The following ACIN1 variants were observed in gnomAD, a reference collection of about 807,000 sequenced individuals.
ACIN1 encodes the protein apoptotic chromatin condensation inducer 1.
A neutral mutation model predicts 146.6 loss-of-function variants in ACIN1; 16 were observed. That is an observed-to-expected ratio of 0.11 (90% CI 0.07 to 0.17). ACIN1 has a LOEUF of 0.17. Among genes scored for constraint, ACIN1 ranks in the 10% least tolerant of loss-of-function variants. ACIN1 has a pLI of 1.00. For synonymous variants in ACIN1, 569 were observed against 582.7 expected, an observed-to-expected ratio of 0.98 and a Z score of 0.34; for missense variants, 1,357 against 1,609.3, an observed-to-expected ratio of 0.84 and a Z score of 2.68.
chr14:23,083,914 G>C (rs750561812), intron 4 of ACIN1, among the ~76,000 whole-genome samples: 8 of 152,016 alleles, frequency 5.3e-5, no homozygotes, highest in Non-Finnish European at 1.2e-4. Context: ...AAATAAAGCA[G>C]ATGGTATGCA....
Position 23,079,944 on chromosome 14 carries a change from G to T in ACIN1, c.1391C>A (p.Ser464Ter). 1 of 1,614,122 alleles carries T rather than the reference G, an allele frequency of 6.2e-7. No homozygotes were observed. The highest frequency in any genetic ancestry group is 1.1e-5 in the South Asian group (1 of 91,060). ...YSAQKDLEPE[S>*]DRSAQPLPLK... ...AGGGAGGGGCTGAGCAGATCTGTCT[G>T]ACTCAGGTTCAAGATCCTTCTGGGC... Residue 464 changes from serine to a stop codon, truncating the protein, a stop_gained, in exon 6 of 19, where the codon TCA (serine) becomes TAA (stop). Coordinates refer to ENST00000605057, the MANE Select transcript of ACIN1 (RefSeq NM_001386863.1). LOFTEE classifies it high-confidence loss of function.
chr14:23,063,456 G>C lies in ACIN1; in HGVS notation c.2717C>G (p.Ala906Gly). The part of the protein sequence containing the change: ...VSVEVALPPP[A>G]EHEVKKVTLG... Reference sequence around the variant, plus strand: ...CTCACCTTTCTTTACTTCATGCTCTGCAGGTGGGGGCAAGGCCACCTCTAC... The same window carrying C: ...CTCACCTTTCTTTACTTCATGCTCTCCAGGTGGGGGCAAGGCCACCTCTAC... Residue 906 changes from alanine to glycine, a missense_variant, in exon 13 of 19, where the codon GCA (alanine) becomes GGA (glycine). Physicochemically the swap from Ala to Gly is moderately conservative, Grantham distance 60. Coordinates refer to ENST00000605057, the MANE Select transcript of ACIN1 (RefSeq NM_001386863.1). 2 of 1,614,146 alleles carry C rather than the reference G, an allele frequency of 1.2e-6. No homozygotes were observed. Among genetic ancestry groups the C allele is most frequent in the Non-Finnish European group, 8.5e-7 (1 of 1,180,032 alleles).
In ACIN1 at chr14:23,061,345, C is replaced by T. The variant is rs1212975615; in HGVS notation, c.3377G>A (p.Arg1126His). 8 of 1,614,102 alleles carry T rather than the reference C, an allele frequency of 5.0e-6. No individual in the cohort carries two copies. Among genetic ancestry groups the T allele is most frequent in the Admixed American group, 1.7e-5 (1 of 60,022 alleles). Reference sequence around the variant, plus strand: ...TTTAGACTTCGCACGTTCCTTGCGGCGGCGGTCACGGGACCTTGATCGGGA... The same window carrying T: ...TTTAGACTTCGCACGTTCCTTGCGGTGGCGGTCACGGGACCTTGATCGGGA... ...PRSRSRSRDR[R>H]RKERAKSKEK... The change falls in exon 17 of 19, where the codon CGC (arginine) becomes CAC (histidine). Residue 1126 changes from arginine to histidine, a missense_variant. By Grantham distance (29) the Arg-to-His change is conservative (BLOSUM62 0). This residue lies in a region of ACIN1 where 509 missense variants were observed against 719.6 expected (regional missense o/e 0.71). Coordinates refer to ENST00000605057, the MANE Select transcript of ACIN1 (RefSeq NM_001386863.1).
At chr14:23,090,291 A>G (rs544369188) in intron 3 of ACIN1, among the ~76,000 whole-genome samples, 190 bp from the exon 4 acceptor site, 1 of 152,372 alleles carries the variant, frequency 6.6e-6, no homozygotes, top group Admixed American at 6.5e-5. Flanking sequence ...TAATTTACTT[A>G]TAACTCTTCC....
At chr14:23,084,802 A>C (rs2048046377) in intron 4 of ACIN1, among the ~76,000 whole-genome samples, 1 of 152,210 alleles carries the variant, frequency 6.6e-6, no homozygotes. Flanking sequence ...ATTAGAATAT[A>C]TAGTGAAAGG....
upstream of ACIN1, chr14:23,095,517 G>A (rs538725238): frequency 1.9e-4 from 105 of 562,608 alleles, 1 homozygote; most frequent in Middle Eastern, 9.6e-4. Context: ...GGGCTGCCGG[G>A]CTGGCCCAGC....
Position 23,068,370 on chromosome 14 carries a change from G to A in ACIN1, c.2265+1106C>T, listed in dbSNP as rs2047522240. 1 of 985,854 alleles carries A rather than the reference G, an allele frequency of 1.0e-6. No individual in the cohort carries two copies. The highest frequency in any genetic ancestry group is 1.7e-5 in the African/African-American group (1 of 57,258). The allele number at this position is 985,854 out of a possible 1,614,324, so 61.1% of individuals were successfully genotyped here. A position where few individuals can be genotyped will look rare whatever the true frequency, so the allele number is the denominator to read the frequency against. Reference sequence around the variant, plus strand: ...CACTGGCACAAGCTCTTCTTGGGGTGTCCCAAGTAGGGAGATGATGCAAGT... The same window carrying A: ...CACTGGCACAAGCTCTTCTTGGGGTATCCCAAGTAGGGAGATGATGCAAGT... On this transcript the variant is annotated intron_variant, in intron 9 of 18. Transcript: ENST00000605057. This position sits in a 1 kb window ranked among gnomAD's most constrained non-coding sequence, Gnocchi z 4.3.
Position 23,079,903 on chromosome 14 carries a change from A to C in ACIN1, c.1432T>G (p.Leu478Val). 6.2e-7 allele frequency: 1 copy of C among 1,614,138 alleles called. No individual in the cohort carries two copies. The highest frequency in any genetic ancestry group is 1.3e-5 in the African/African-American group (1 of 75,022). Residue 478 changes from leucine to valine, a missense_variant, in exon 6 of 19, where the codon TTA (leucine) becomes GTA (valine). Physicochemically the swap from Leu to Val is conservative, Grantham distance 32 (BLOSUM62 1). This residue lies in a region of ACIN1 where 771 missense variants were observed against 746.6 expected (regional missense o/e 1.03). Coordinates refer to ENST00000605057, the MANE Select transcript of ACIN1 (RefSeq NM_001386863.1). The part of the protein sequence containing the change: ...AQPLPLKIEE[L>V]ALAKGITEEC... ...TCAGTGATTCCTTTGGCCAGTGCTA[A>C]TTCCTCAATTTTTAGAGGGAGGGGC...
rs1219040385 is a variant in ACIN1 at position 23,079,548 on chromosome 14, T to C, written c.1787A>G (p.Lys596Arg). 2 of 1,611,780 alleles carry C rather than the reference T, an allele frequency of 1.2e-6. No individual in the cohort carries two copies. Among genetic ancestry groups the C allele is most frequent in the Admixed American group, 3.3e-5 (2 of 59,862 alleles). Residue 596 changes from lysine (K) to arginine (R), a missense_variant and splice_region_variant, in exon 6 of 19, where the codon AAA becomes AGA. Physicochemically the swap from Lys to Arg is conservative, Grantham distance 26. This residue lies in a region of ACIN1 where 771 missense variants were observed against 746.6 expected (regional missense o/e 1.03). Transcript: ENST00000605057. ...RSRSASSNSR[K>R]SLSPGVSRDS... ...CACCCGGGATTCTCTCATACTCACT[T>C]TTCTGCTGTTGCTTGATGCTGAACG... is the stretch of plus-strand genomic sequence containing the variant.
rs1488596464 is a variant in ACIN1, at chr14:23,068,248, A to T, written c.2265+1228T>A. On this transcript the variant is annotated intron_variant, in intron 9 of 18. Coordinates refer to ENST00000605057, the MANE Select transcript of ACIN1 (RefSeq NM_001386863.1). The surrounding 1 kb of genome is among the most constrained non-coding windows in gnomAD (Gnocchi z 4.3). ...TGGCACTGCGATCACAAACTTTAGG[A>T]GGTCTTGGTGCCCTAGATGGGGATC... The T allele has an allele frequency of 3.1e-6, 3 of 983,220 alleles. No homozygotes were observed. Among genetic ancestry groups the T allele is most frequent in the East Asian group, 1.1e-4 (1 of 8,812 alleles). 60.9% of individuals were successfully genotyped at this position (983,220 alleles called of 1,614,324 possible). A position where few individuals can be genotyped will look rare whatever the true frequency, so the allele number is the denominator to read the frequency against.
intron 4 of ACIN1, among the ~76,000 whole-genome samples, chr14:23,082,600 A>G (rs553436528): frequency 1.3e-5 from 2 of 152,244 alleles, no homozygotes; most frequent in South Asian, 4.2e-4. Context: ...GCCCACCACC[A>G]TGCCTGGCTA....
At chr14:23,072,411 A>G (rs191235296) in intron 8 of ACIN1, among the ~76,000 whole-genome samples, 184 of 152,318 alleles carry the variant, frequency 1.2e-3, no homozygotes, top group Non-Finnish European at 2.0e-3. Flanking sequence ...GTGAGGCTCT[A>G]AAGTAGATAA....
chr14:23,089,914 T>C, intron 4 of ACIN1, 68 bp downstream of exon 4: 3 of 1,443,808 alleles, frequency 2.1e-6, no homozygotes, highest in Non-Finnish European at 2.8e-6. Context: ...TGAAAGGAGG[T>C]GTAACTACCT....
In ACIN1 at chr14:23,067,552, G is replaced by A; in HGVS notation, c.2266-1544C>T. 1.0e-6 allele frequency: 1 copy of A among 986,064 alleles called. No individual in the cohort carries two copies. The highest frequency in any genetic ancestry group is 1.2e-6 in the Non-Finnish European group (1 of 830,208). 61.1% of individuals were successfully genotyped at this position (986,064 alleles called of 1,614,324 possible). On this transcript the variant is annotated intron_variant, in intron 9 of 18. Coordinates refer to ENST00000605057, the MANE Select transcript of ACIN1 (RefSeq NM_001386863.1). This position sits in a 1 kb window ranked among gnomAD's most constrained non-coding sequence, Gnocchi z 4.6. ...CGCTGCCCAGTTTCCATGATGTCAA[G>A]ACAGTTCACTGGCGGTGGCCAGGCT...
intron 9 of ACIN1, 51 bp downstream of exon 9, chr14:23,069,425 C>T (rs745655473): frequency 2.5e-6 from 4 of 1,591,750 alleles, no homozygotes; most frequent in South Asian, 1.2e-5. Context: ...CTACTCTTTC[C>T]CCTAGGTCCA....
chr14:23,080,748 G>A lies in ACIN1; in HGVS notation c.587C>T (p.Thr196Ile). The A allele has an allele frequency of 6.2e-7, 1 of 1,613,716 alleles. No individual in the cohort carries two copies. Among genetic ancestry groups the A allele is most frequent in the Non-Finnish European group, 8.5e-7 (1 of 1,179,778 alleles). ...TCTGACCCTTAGGTTTCTGGAAGGT[G>A]TTTCTTGATCCTCTTCCTCCTCAGC... ...QPAEEEEDQE[T>I]PSRNLRVRAD... Residue 196 changes from threonine (T) to isoleucine (I), a missense_variant, in exon 6 of 19, where the codon ACA (threonine) becomes ATA (isoleucine). Physicochemically the swap from Thr to Ile is moderately conservative, Grantham distance 89 (BLOSUM62 -1). Transcript: ENST00000605057.
intron 14 of ACIN1, 55 bp from the exon 15 acceptor site, chr14:23,062,578 T>A (rs1489996287): frequency 6.7e-7 from 1 of 1,490,358 alleles, no homozygotes; most frequent in Non-Finnish European, 9.4e-7. Flanking sequence ...CACCACCCAA[T>A]CTTTAGATTT....
intron 10 of ACIN1, among the ~76,000 whole-genome samples, chr14:23,065,513 G>A (rs548803015): frequency 9.8e-5 from 15 of 152,322 alleles, no homozygotes; most frequent in African/African-American, 3.1e-4. Flanking sequence ...ACTGGGACCC[G>A]GAGGCGGAGG....
chr14:23,071,250 C>CCA, intron 8 of ACIN1: 1 of 1,513,220 alleles, frequency 6.6e-7, no homozygotes. Context: ...AGAAAAAAAA[C>CCA]CACACCTTCC....
Sources: allele counts gnomAD v4.1 joint callset (sites outside exome capture counted in the v4.1 genomes callset), GRCh38; gene constraint gnomAD v4.1.1; regional missense constraint gnomAD v4.1.1; non-coding constraint Gnocchi (gnomAD v3.1); transcripts MANE v1.5; gene names NCBI Gene and HGNC (gene_info 2026-07-23, HGNC 2026-07-21).